The following FERMT3 variants were observed in gnomAD, a reference collection of about 807,000 sequenced individuals.
FERMT3 encodes fermitin family homolog 3.
Under a neutral mutation model 80.8 loss-of-function variants are expected in FERMT3, and 33 were observed. The observed-to-expected ratio is 0.41, with a 90% CI of 0.31 to 0.55. The LOEUF (loss-of-function observed/expected upper bound fraction) is 0.55, where lower values mean the gene tolerates loss of function less well. Among genes scored for constraint, FERMT3 ranks in the 20% least tolerant of loss-of-function variants. The probability of loss-of-function intolerance (pLI) is 0.31; values close to 1 mark genes in which losing one functional copy is unlikely to be tolerated. For missense variants in FERMT3, 754 were observed against 908.7 expected (o/e 0.83, Z 2.19); for synonymous variants, 375 against 372.2 (o/e 1.01, Z -0.09).
intron 13 of FERMT3, 53 bp downstream of exon 13, chr11:64,221,193 C>T: frequency 6.4e-7 from 1 of 1,563,454 alleles, no homozygotes; most frequent in Admixed American, 1.7e-5. Context: ...CCTCACCTGC[C>T]ACCCGGCTGC....
intron 6 of FERMT3, among the ~76,000 whole-genome samples, chr11:64,217,032 T>C (rs1946567050): frequency 6.6e-6 from 1 of 152,174 alleles, no homozygotes; most frequent in South Asian, 2.1e-4. Flanking sequence ...AAGAAACCAA[T>C]TGGAGACCCT....
At chr11:64,216,452 G>T (rs1946552111) in intron 6 of FERMT3, among the ~76,000 whole-genome samples, 1 of 147,854 alleles carries the variant, frequency 6.8e-6, no homozygotes, top group South Asian at 2.2e-4. Flanking sequence ...GCCCGCTTCA[G>T]CCTCCCAAAG....
intron 2 of FERMT3, among the ~76,000 whole-genome samples, chr11:64,209,749 CAG>C (rs2134837906): frequency 6.6e-6 from 1 of 152,234 alleles, no homozygotes; most frequent in African/African-American, 2.4e-5. Context: ...CAGTGGGAAT[CAG>C]AAAACTCACC....
At chr11:64,208,259 C>T (rs569802146) in intron 2 of FERMT3, among the ~76,000 whole-genome samples, 89 of 152,266 alleles carry the variant, frequency 5.8e-4, no homozygotes, top group South Asian at 3.5e-3. Context: ...CAGAACGGCC[C>T]GGCCACAAGA....
Position 64,220,645 on chromosome 11 carries a change from C to G in FERMT3, c.1521C>G (p.Phe507Leu). ...LNPYGLVAPR[F>L]QRKFKAKQLT... is the part of the protein sequence containing the mutation. Reference sequence around the variant, plus strand: ...CCTACGGCCTCGTTGCCCCCCGTTTCCAGCGAAAGTTCAAGGCCAAGCAGG... The same window carrying G: ...CCTACGGCCTCGTTGCCCCCCGTTTGCAGCGAAAGTTCAAGGCCAAGCAGG... Residue 507 changes from phenylalanine (F) to leucine (L), a missense_variant, in exon 12 of 15, where the codon TTC (phenylalanine) becomes TTG (leucine). Physicochemically the swap from Phe to Leu is conservative, Grantham distance 22. Coordinates refer to ENST00000345728, the MANE Select transcript of FERMT3 (RefSeq NM_031471.6). 6.2e-7 allele frequency: 1 copy of G among 1,611,526 alleles called. No homozygotes were observed. The highest frequency in any genetic ancestry group is 8.5e-7 in the Non-Finnish European group (1 of 1,179,326).
At chr11:64,221,970 G>A (rs539281795) in intron 13 of FERMT3, among the ~76,000 whole-genome samples, 33 of 151,682 alleles carry the variant, frequency 2.2e-4, no homozygotes, top group Non-Finnish European at 4.1e-4. Flanking sequence ...GGGGCACGGT[G>A]GTTCACGTCT....
intron 6 of FERMT3, among the ~76,000 whole-genome samples, chr11:64,215,124 C>T (rs1425276846): frequency 6.6e-6 from 1 of 152,176 alleles, no homozygotes; most frequent in Non-Finnish European, 1.5e-5. Flanking sequence ...TTATTTTTAA[C>T]AAATGTGTAT....
At position 64,220,487 on chromosome 11, in the gene FERMT3, C is replaced by G; in HGVS notation, c.1363C>G (p.Arg455Gly). 6.2e-7 allele frequency: 1 copy of G among 1,609,416 alleles called. No individual in the cohort carries two copies. Among genetic ancestry groups the G allele is most frequent in the Non-Finnish European group, 8.5e-7 (1 of 1,178,432 alleles). ...TGGCTGCCGCCTGGCCTCCAAAGGC[C>G]GCACCATGGCCGACAGCAGCTACAC... ...MAGCRLASKG[R>G]TMADSSYTSE... The change falls in exon 12 of 15, where the codon CGC (arginine) becomes GGC (glycine). Residue 455 changes from arginine to glycine, a missense_variant. Physicochemically the swap from Arg to Gly is moderately radical, Grantham distance 125 (BLOSUM62 -2). Coordinates refer to ENST00000345728, the MANE Select transcript of FERMT3 (RefSeq NM_031471.6).
In FERMT3 at chr11:64,207,400, C is replaced by T. The variant is rs371003332; in HGVS notation, c.36C>T (p.Ile12=). 1.2e-5 allele frequency: 19 copies of T among 1,614,046 alleles called. No homozygotes were observed. The African/African-American group carries it at 2.0e-4, about 17-fold the overall frequency. The part of the protein sequence containing the change: ...AGMKTASGDY[I]DSSWELRVFV... The stretch of plus-strand genomic sequence containing the variant: ...TGAAGACAGCCTCCGGGGACTACAT[C>T]GACTCGTCATGGGAGCTGCGGGTGT... The change falls in exon 2 of 15, where the codon ATC becomes ATT. Residue 12 remains isoleucine, a synonymous_variant. Coordinates refer to ENST00000345728, the MANE Select transcript of FERMT3 (RefSeq NM_031471.6).
chr11:64,207,584 C>T, intron 2 of FERMT3, 60 bp downstream of exon 2: 1 of 1,558,902 alleles, frequency 6.4e-7, no homozygotes, highest in African/African-American at 1.3e-5. Flanking sequence ...ACGGGTGTCT[C>T]TGGGCACTTC....
chr11:64,217,045 G>C (rs1370051351), intron 6 of FERMT3, among the ~76,000 whole-genome samples: 1 of 152,142 alleles, frequency 6.6e-6, no homozygotes, highest in Non-Finnish European at 1.5e-5. Flanking sequence ...GAGACCCTGA[G>C]TGTGTGAGTA....
chr11:64,207,406 G>A lies in FERMT3; in HGVS notation c.42G>A (p.Ser14=), dbSNP rs1179556498. The part of the protein sequence containing the change: ...MKTASGDYID[S]SWELRVFVGE... Reference sequence around the variant, plus strand: ...CAGCCTCCGGGGACTACATCGACTCGTCATGGGAGCTGCGGGTGTTTGTGG... The same window carrying A: ...CAGCCTCCGGGGACTACATCGACTCATCATGGGAGCTGCGGGTGTTTGTGG... The change falls in exon 2 of 15, where the codon TCG becomes TCA. Residue 14 remains serine (S), a synonymous_variant. Transcript: ENST00000345728. 3.7e-6 allele frequency: 6 copies of A among 1,614,078 alleles called. No individual in the cohort carries two copies. The highest frequency in any genetic ancestry group is 2.2e-5 in the East Asian group (1 of 44,888).
In FERMT3 at chr11:64,220,027, G is replaced by A; in HGVS notation, c.1204+12G>A. ...GCTCAACCTCAAGGGTAAGTGCACA[G>A]GGCCAGGGGCTGGGTGGGGGGATCC... On this transcript the variant is annotated intron_variant, in intron 10 of 14. Transcript: ENST00000345728. 6.2e-7 allele frequency: 1 copy of A among 1,612,956 alleles called. No individual in the cohort carries two copies. Among genetic ancestry groups the A allele is most frequent in the Non-Finnish European group, 8.5e-7 (1 of 1,179,600 alleles).
rs34872967 is a variant in FERMT3, at chr11:64,213,555, A to ATTT, written c.786+1825_786+1827dup. 3.0e-3 allele frequency among the ~76,000 whole-genome samples: 368 copies of ATTT among 120,686 alleles called. 9 individuals carry two copies. The highest frequency in any genetic ancestry group is 5.1e-3 in the Middle Eastern group (1 of 196). 79.2% of individuals were successfully genotyped at this position (120,686 alleles called of 152,430 possible). Reference sequence around the variant, plus strand: ...GGAGCGAGCCACTGCGCCTGGCCTAATTTTTTTTTTTTTTTTTTTGAGATG... The same window carrying ATTT: ...GGAGCGAGCCACTGCGCCTGGCCTAATTTTTTTTTTTTTTTTTTTTTTGAGATG... On this transcript the variant is annotated intron_variant, in intron 6 of 14. Transcript: ENST00000345728.
chr11:64,220,203 C>G lies in FERMT3; in HGVS notation c.1205-17C>G. On this transcript the variant is annotated splice_polypyrimidine_tract_variant and intron_variant, in intron 10 of 14. Transcript: ENST00000345728. ...TTCCCCTCCCGACCTCCTAGACCAC[C>G]CCTTCTCTCCCTCCAGGCTGTGAGG... 6.2e-7 allele frequency: 1 copy of G among 1,612,628 alleles called. No individual in the cohort carries two copies. Among genetic ancestry groups the G allele is most frequent in the South Asian group, 1.1e-5 (1 of 91,044 alleles).
intron 6 of FERMT3, among the ~76,000 whole-genome samples, chr11:64,217,870 G>A (rs368462259): frequency 4.6e-5 from 7 of 152,124 alleles, no homozygotes; most frequent in Admixed American, 1.3e-4. Context: ...ATTGCTTTCC[G>A]CCTATTTTCA....
In FERMT3 at chr11:64,213,551, C is replaced by G. The variant is rs1291724469; in HGVS notation, c.786+1804C>G. Among the ~76,000 whole-genome samples the G allele has an allele frequency of 2.3e-5, 3 of 131,310 alleles. No homozygotes were observed. The East Asian group carries it at 7.3e-4, about 32-fold the overall frequency. The allele number at this position is 131,310 out of a possible 152,430, so 86.1% of individuals were successfully genotyped here. On this transcript the variant is annotated intron_variant, in intron 6 of 14. Coordinates refer to ENST00000345728, the MANE Select transcript of FERMT3 (RefSeq NM_031471.6). ...TATAGGAGCGAGCCACTGCGCCTGG[C>G]CTAATTTTTTTTTTTTTTTTTTTGA...
chr11:64,223,541 C>G lies in FERMT3; in HGVS notation c.*49C>G. 6.4e-7 allele frequency: 1 copy of G among 1,565,788 alleles called. No individual in the cohort carries two copies. The highest frequency in any genetic ancestry group is 8.6e-7 in the Non-Finnish European group (1 of 1,160,160). On this transcript the variant is annotated 3_prime_UTR_variant, in exon 15 of 15. Transcript: ENST00000345728. ...TGCTCACCACCCTGTCACAGCCACTCCCAAGCCCACACCCACAGGGGCTCA... is the reference window on the plus strand; with the variant it reads ...TGCTCACCACCCTGTCACAGCCACTGCCAAGCCCACACCCACAGGGGCTCA...
At chr11:64,215,129 G>A (rs1418290029) in intron 6 of FERMT3, among the ~76,000 whole-genome samples, 1 of 152,188 alleles carries the variant, frequency 6.6e-6, no homozygotes, top group African/African-American at 2.4e-5. Flanking sequence ...TTTAACAAAT[G>A]TGTATGGTTG....
Sources: allele counts gnomAD v4.1 joint callset (sites outside exome capture counted in the v4.1 genomes callset), GRCh38; gene constraint gnomAD v4.1.1; transcripts MANE v1.5; gene names NCBI Gene and HGNC (gene_info 2026-07-23, HGNC 2026-07-21).